The following ROBO1 variants were observed in gnomAD, a reference collection of about 807,000 sequenced individuals.
ROBO1 encodes roundabout homolog 1.
A neutral mutation model predicts 195.9 loss-of-function variants in ROBO1; 149 were observed. The observed-to-expected ratio is 0.76, with a 90% CI of 0.67 to 0.87. The LOEUF is 0.87. ROBO1 is among the 40% of genes least tolerant of loss of function. The pLI, the probability that ROBO1 is intolerant of heterozygous loss-of-function variation, is 0.00. For missense variants in ROBO1, 1,933 were observed against 2,068.3 expected (o/e 0.93, Z 1.27); for synonymous variants, 816 against 733.2 (o/e 1.11, Z -1.82).
At chr3:79,255,233 G>A (rs1185591494) in intron 2 of ROBO1, among the ~76,000 whole-genome samples, 1 of 152,142 alleles carries the variant, frequency 6.6e-6, no homozygotes, top group Non-Finnish European at 1.5e-5. Flanking sequence ...TGGCACACCT[G>A]TAGTCCCAGC....
At chr3:79,194,162 C>A (rs570869748) in intron 2 of ROBO1, among the ~76,000 whole-genome samples, 9 of 151,736 alleles carry the variant, frequency 5.9e-5, no homozygotes, top group African/African-American at 1.9e-4. Flanking sequence ...ATGGACCTAT[C>A]CTTCTCTTGA....
At chr3:78,657,444 C>G (rs145302393) in intron 17 of ROBO1, among the ~76,000 whole-genome samples, 175 bp from the exon 18 acceptor site, 342 of 152,242 alleles carry the variant, frequency 2.2e-3, no homozygotes, top group African/African-American at 7.9e-3. Context: ...ATCTTCTGGT[C>G]AAGTTTAACG....
intron 4 of ROBO1, among the ~76,000 whole-genome samples, chr3:78,751,310 A>T (rs2082790274): frequency 6.6e-6 from 1 of 152,042 alleles, no homozygotes; most frequent in African/African-American, 2.4e-5. Flanking sequence ...AATAATAATA[A>T]TAATAATAAT....
chr3:79,277,666 A>G (rs534042906), intron 2 of ROBO1, among the ~76,000 whole-genome samples: 2 of 152,176 alleles, frequency 1.3e-5, no homozygotes, highest in Admixed American at 6.5e-5. Context: ...GCTTGAGGTG[A>G]TGGATACCCC....
intron 3 of ROBO1, among the ~76,000 whole-genome samples, chr3:79,020,641 G>A (rs561231750): frequency 1.3e-5 from 2 of 152,322 alleles, no homozygotes; most frequent in South Asian, 2.1e-4. Flanking sequence ...GCAGTGAGCC[G>A]AGATAACTTG....
At chr3:78,663,258 T>A (rs1707536151) in intron 14 of ROBO1, among the ~76,000 whole-genome samples, 1 of 151,402 alleles carries the variant, frequency 6.6e-6, no homozygotes, top group Admixed American at 6.6e-5. Flanking sequence ...GAGATTGATA[T>A]CAAACACTCT....
intron 2 of ROBO1, among the ~76,000 whole-genome samples, chr3:79,255,373 C>T (rs2108922531): frequency 6.6e-6 from 1 of 151,832 alleles, no homozygotes; most frequent in East Asian, 1.9e-4. Context: ...AAAACAACAA[C>T]AAAAACAAAA....
At chr3:78,996,453 A>T (rs1319451610) in intron 3 of ROBO1, among the ~76,000 whole-genome samples, 1 of 152,084 alleles carries the variant, frequency 6.6e-6, no homozygotes, top group African/African-American at 2.4e-5. Context: ...TTACCCATGA[A>T]TTTCTGCATT....
chr3:79,044,161 C>A (rs13072022), intron 3 of ROBO1, among the ~76,000 whole-genome samples: 148,359 of 150,822 alleles, frequency 0.98, 73,031 homozygotes, highest in Middle Eastern at 1. Flanking sequence ...AAAATCTCAT[C>A]ATCTTTTAAG....
chr3:79,490,359 A>G (rs139900109), intron 2 of ROBO1, among the ~76,000 whole-genome samples: 35 of 152,046 alleles, frequency 2.3e-4, no homozygotes, highest in Non-Finnish European at 4.3e-4. Context: ...CATTTCCTCT[A>G]CCCTCCAGTA....
intron 2 of ROBO1, among the ~76,000 whole-genome samples, chr3:79,278,840 A>G (rs549738752): frequency 6.6e-6 from 1 of 152,192 alleles, no homozygotes; most frequent in African/African-American, 2.4e-5. Flanking sequence ...TAAACAAATG[A>G]GAGTATATCA....
At chr3:79,559,588 T>C (rs1291923745) in intron 2 of ROBO1, among the ~76,000 whole-genome samples, 2 of 152,154 alleles carry the variant, frequency 1.3e-5, no homozygotes, top group Non-Finnish European at 2.9e-5. Context: ...ATTAACACAC[T>C]TGTCAAACAC....
At chr3:79,662,129 A>G (rs1576194787) in intron 1 of ROBO1, among the ~76,000 whole-genome samples, 1 of 152,046 alleles carries the variant, frequency 6.6e-6, no homozygotes, top group African/African-American at 2.4e-5. Context: ...GCTATTACAC[A>G]CACTTACAGA....
intron 2 of ROBO1, among the ~76,000 whole-genome samples, chr3:79,354,075 T>C (rs1014026335): frequency 1.3e-5 from 2 of 152,022 alleles, no homozygotes; most frequent in Non-Finnish European, 1.5e-5. Flanking sequence ...TAAGTTATTG[T>C]AATAGTTTAG....
chr3:78,908,639 A>C lies in ROBO1; in HGVS notation c.499+29962T>G, dbSNP rs189663080. Reference sequence around the variant, plus strand: ...CTTTTGGAGAAATAGACACTATTGCATTCCTTATAGCATTAGTTTACCTCG... The same window carrying C: ...CTTTTGGAGAAATAGACACTATTGCCTTCCTTATAGCATTAGTTTACCTCG... On this transcript the variant is annotated intron_variant, in intron 4 of 30. Transcript: ENST00000464233. 9.6e-3 allele frequency among the ~76,000 whole-genome samples: 1,465 copies of C among 152,028 alleles called. 23 individuals are homozygous for C. The highest frequency in any genetic ancestry group is 0.013 in the Non-Finnish European group (855 of 67,860).
chr3:79,471,958 A>G (rs1401718276), intron 2 of ROBO1, among the ~76,000 whole-genome samples: 1 of 152,054 alleles, frequency 6.6e-6, no homozygotes, highest in Non-Finnish European at 1.5e-5. Flanking sequence ...TAGGGGAGGG[A>G]TAACATTAGG....
chr3:78,749,325 G>C (rs1294044334), intron 4 of ROBO1, among the ~76,000 whole-genome samples: 1 of 151,984 alleles, frequency 6.6e-6, no homozygotes, highest in South Asian at 2.1e-4. Context: ...ATAATAAAAT[G>C]TCTTGCAGAA....
intron 3 of ROBO1, among the ~76,000 whole-genome samples, chr3:79,094,025 A>G (rs548389426): frequency 2.6e-5 from 4 of 152,226 alleles, no homozygotes; most frequent in Admixed American, 2.6e-4. Context: ...CAAGGGCACC[A>G]TATGTGTAAC....
intron 2 of ROBO1, among the ~76,000 whole-genome samples, chr3:79,300,130 G>GC (rs1329917948): frequency 6.6e-6 from 1 of 152,214 alleles, no homozygotes; most frequent in Non-Finnish European, 1.5e-5. Flanking sequence ...CACTTGAGGA[G>GC]CCCCTCAGCC....
Sources: gnomAD v4.1 joint callset for allele counts (sites outside exome capture counted in the v4.1 genomes callset) on GRCh38, gnomAD v4.1.1 for gene constraint, MANE v1.5 for transcripts, NCBI Gene and HGNC (gene_info 2026-07-23, HGNC 2026-07-21) for gene names.